ZMYM1: variants seen among roughly 807,000 people sequenced by gnomAD.
The protein encoded by ZMYM1 is zinc finger MYM-type containing 1, also known as zinc finger MYM-type protein 1.
Under a neutral mutation model 60.0 loss-of-function variants are expected in ZMYM1, and 39 were observed. The ratio of observed to expected loss-of-function variants is 0.65; its 90% CI spans 0.50 to 0.85. ZMYM1 has a LOEUF of 0.85. Among genes scored for constraint, ZMYM1 ranks in the 40% least tolerant of loss-of-function variants. The probability of loss-of-function intolerance (pLI) is 0.00; values close to 1 mark genes in which losing one functional copy is unlikely to be tolerated. For synonymous variants in ZMYM1, 413 were observed against 454.0 expected (o/e 0.91, Z 1.15); for missense variants, 1,171 against 1,309.5 (o/e 0.89, Z 1.63).
At chr1:35,066,842 C>T (rs1343863806) in intron 1 of ZMYM1, among the ~76,000 whole-genome samples, 3 of 151,758 alleles carry the variant, frequency 2.0e-5, no homozygotes, top group Admixed American at 6.6e-5. Flanking sequence ...ATAGCAAGAC[C>T]CCATCTCAAA....
Position 35,115,539 on chromosome 1 carries a change from T to C in ZMYM1, c.*280T>C, listed in dbSNP as rs1644237573. The C allele has an allele frequency of 4.9e-6, 1 of 204,218 alleles. No homozygotes were observed. The highest frequency in any genetic ancestry group is 1.1e-4 in the East Asian group (1 of 8,884). The allele number at this position is 204,218 out of a possible 1,614,324, so 12.7% of individuals were successfully genotyped here. A position where few individuals can be genotyped will look rare whatever the true frequency, so the allele number is the denominator to read the frequency against. ...GTCCCATGTCGTTACATGAAGAGTTTCTTGATTCTTGGTCTATAATTGCAG... is the reference window on the plus strand; with the variant it reads ...GTCCCATGTCGTTACATGAAGAGTTCCTTGATTCTTGGTCTATAATTGCAG... On this transcript the variant is annotated 3_prime_UTR_variant, in exon 10 of 10. Coordinates refer to ENST00000359858, the MANE Select transcript of ZMYM1 (RefSeq NM_024772.5).
Position 35,115,151 on chromosome 1 carries a change from T to C in ZMYM1, c.3321T>C (p.Thr1107=), listed in dbSNP as rs758955903. The part of the protein sequence containing the change: ...LCNTMGQEKL[T]GPALMAVEQE... ...ATACCATGGGACAAGAGAAGCTTAC[T>C]GGCCCAGCCCTAATGGCTGTTGAGC... Residue 1107 remains threonine (T), a synonymous_variant, in exon 10 of 10, where the codon ACT becomes ACC. Coordinates refer to ENST00000359858, the MANE Select transcript of ZMYM1 (RefSeq NM_024772.5). The C allele has an allele frequency of 4.6e-5, 74 of 1,614,032 alleles. No individual in the cohort carries two copies. The highest frequency in any genetic ancestry group is 5.9e-5 in the Non-Finnish European group (70 of 1,179,994).
chr1:35,100,657 A>G (rs923611513), intron 4 of ZMYM1, among the ~76,000 whole-genome samples: 3 of 151,932 alleles, frequency 2.0e-5, no homozygotes, highest in South Asian at 2.1e-4. Flanking sequence ...GTTCTTGGGA[A>G]CTTTGTATTT....
upstream of ZMYM1, among the ~76,000 whole-genome samples, chr1:35,076,326 A>C (rs1642165381): frequency 6.6e-6 from 1 of 152,200 alleles, no homozygotes; most frequent in Non-Finnish European, 1.5e-5. Flanking sequence ...CCAGTAAAAA[A>C]AGGTTCAATT....
chr1:35,061,460 A>T (rs1641873891), intron 1 of ZMYM1, among the ~76,000 whole-genome samples: 1 of 152,160 alleles, frequency 6.6e-6, no homozygotes, highest in East Asian at 1.9e-4. Context: ...ATATAGATAG[A>T]TAGATACATA....
chr1:35,060,137 T>TTCG (rs1553135144), intron 1 of ZMYM1, among the ~76,000 whole-genome samples: 9 of 141,296 alleles, frequency 6.4e-5, no homozygotes, highest in African/African-American at 2.2e-4. Flanking sequence ...GGAAATACTA[T>TTCG]TTGTTGTTAT....
chr1:35,098,022 T>G (rs1385024247), intron 4 of ZMYM1, among the ~76,000 whole-genome samples: 1 of 152,168 alleles, frequency 6.6e-6, no homozygotes, highest in East Asian at 1.9e-4. Flanking sequence ...GTTCCTCTGA[T>G]GGATTCTGTA....
At chr1:35,091,829 G>A (rs1643023094) in intron 1 of ZMYM1, among the ~76,000 whole-genome samples, 1 of 145,430 alleles carries the variant, frequency 6.9e-6, no homozygotes, top group African/African-American at 2.5e-5. Context: ...CCAGGAGGGT[G>A]AGGCTGCAGT....
chr1:35,091,846 A>G (rs113754182), intron 1 of ZMYM1, among the ~76,000 whole-genome samples: 2,003 of 141,588 alleles, frequency 0.014, 55 homozygotes, highest in African/African-American at 0.049. Context: ...CAGTGAACTG[A>G]GATAGTGCCA....
chr1:35,061,505 G>A (rs1336468167), intron 1 of ZMYM1, among the ~76,000 whole-genome samples: 1 of 151,962 alleles, frequency 6.6e-6, no homozygotes, highest in Admixed American at 6.5e-5. Context: ...GGCTGGGTGC[G>A]GTGGCTCACG....
intron 6 of ZMYM1, among the ~76,000 whole-genome samples, chr1:35,107,578 C>T (rs1028256963): frequency 6.6e-6 from 1 of 152,056 alleles, no homozygotes; most frequent in Non-Finnish European, 1.5e-5. Context: ...TAACACTTTC[C>T]CCTTGCATCT....
At chr1:35,098,059 T>C (rs78003887) in intron 4 of ZMYM1, among the ~76,000 whole-genome samples, 4,715 of 152,272 alleles carry the variant, frequency 0.031, 254 homozygotes, top group African/African-American at 0.1. Flanking sequence ...CAGAAATTAA[T>C]GTGAAAAGTA....
intron 1 of ZMYM1, among the ~76,000 whole-genome samples, chr1:35,070,229 T>A (rs1642042998): frequency 6.6e-6 from 1 of 152,186 alleles, no homozygotes; most frequent in Non-Finnish European, 1.5e-5. Context: ...ATATGGGATA[T>A]CTTTCCATTT....
Position 35,114,189 on chromosome 1 carries a change from A to G in ZMYM1, c.2359A>G (p.Asn787Asp), listed in dbSNP as rs1326112205. 2 of 1,611,538 alleles carry G rather than the reference A, an allele frequency of 1.2e-6. No homozygotes were observed. Among genetic ancestry groups the G allele is most frequent in the Admixed American group, 3.4e-5 (2 of 59,528 alleles). Residue 787 changes from asparagine to aspartate, a missense_variant, in exon 10 of 10, where the codon AAT becomes GAT. Physicochemically the swap from Asn to Asp is conservative, Grantham distance 23. Coordinates refer to ENST00000359858, the MANE Select transcript of ZMYM1 (RefSeq NM_024772.5). ...TICMSGEMLA[N>D]FRNIYRLSQN... is the part of the protein sequence containing the mutation. ...TTGTATGTCTGGGGAAATGTTGGCA[A>G]ATTTTCGAAACATTTATAGGCTAAG...
upstream of ZMYM1, chr1:35,078,878 G>GA (rs1642227517): frequency 6.6e-6 from 1 of 151,762 alleles, no homozygotes; most frequent in South Asian, 2.1e-4. Flanking sequence ...ACGTACTAAT[G>GA]AAAGAAGTCT....
At chr1:35,072,896 A>G (rs1642092366) in intron 1 of ZMYM1, among the ~76,000 whole-genome samples, 1 of 152,154 alleles carries the variant, frequency 6.6e-6, no homozygotes, top group Non-Finnish European at 1.5e-5. Context: ...AGCCTGGCCA[A>G]TGTGGTGAAA....
chr1:35,105,970 A>T lies in ZMYM1; in HGVS notation c.807+1201A>T, dbSNP rs189039042. Among the ~76,000 whole-genome samples the T allele has an allele frequency of 3.1e-3, 471 of 152,256 alleles. 1 individual carries two copies. Among genetic ancestry groups the T allele is most frequent in the African/African-American group, 0.01 (435 of 41,562 alleles). On this transcript the variant is annotated intron_variant, in intron 6 of 9. Coordinates refer to ENST00000359858, the MANE Select transcript of ZMYM1 (RefSeq NM_024772.5). The stretch of plus-strand genomic sequence containing the variant: ...TGCAAAGATGAATCAAGAATGTCAC[A>T]TGTGGACAGTCATGGTGGCTTACAC...
intron 1 of ZMYM1, among the ~76,000 whole-genome samples, chr1:35,081,049 C>T (rs1284121931): frequency 6.6e-6 from 1 of 151,956 alleles, no homozygotes; most frequent in Non-Finnish European, 1.5e-5. Flanking sequence ...TCAAGTGATT[C>T]TCCTGCCTCA....
downstream of ZMYM1, among the ~76,000 whole-genome samples, chr1:35,117,416 T>C (rs1244515346): frequency 6.6e-6 from 1 of 151,740 alleles, no homozygotes; most frequent in Non-Finnish European, 1.5e-5. Context: ...ACCTCGCGGG[T>C]TCAAGTGATT....
Sources: gnomAD v4.1 joint callset for allele counts (sites outside exome capture counted in the v4.1 genomes callset) on GRCh38, gnomAD v4.1.1 for gene constraint, MANE v1.5 for transcripts, NCBI Gene and HGNC (gene_info 2026-07-23, HGNC 2026-07-21) for gene names.